NLN: variants seen among roughly 807,000 people sequenced by gnomAD.
NLN encodes the protein neurolysin, mitochondrial.
In NLN, 64 loss-of-function variants were observed where a neutral mutation model predicts 79.9. The ratio of observed to expected loss-of-function variants is 0.80; its 90% confidence interval spans 0.65 to 0.99. NLN has a LOEUF of 0.99. Ranked by LOEUF, NLN falls within the 50% of genes least tolerant of loss-of-function variation. The pLI, the probability that NLN is intolerant of heterozygous loss-of-function variation, is 0.00. For synonymous variants in NLN, 267 were observed against 296.6 expected (o/e 0.90, Z 1.02); for missense variants, 835 against 858.7 (o/e 0.97, Z 0.34).
At chr5:65,762,817 G>A in intron 2 of NLN, 143 bp from the exon 3 acceptor site, 1 of 690,134 alleles carries the variant, frequency 1.4e-6, no homozygotes, top group Admixed American at 3.2e-5. Context: ...GCTTTTTCTT[G>A]GTAGCCTTAG....
At chr5:65,809,032 C>T (rs937387644) in intron 9 of NLN, 1 of 153,102 alleles carries the variant, frequency 6.5e-6, no homozygotes, top group Non-Finnish European at 1.5e-5. Flanking sequence ...GTGATGAGTG[C>T]CCCAGAAAGG....
Position 65,722,457 on chromosome 5 carries a change from G to C in NLN, c.41+43G>C, listed in dbSNP as rs761290408. 1.2e-5 allele frequency: 18 copies of C among 1,542,194 alleles called. No individual in the cohort carries two copies. In the South Asian group the frequency reaches 2.0e-4, roughly 17 times the overall value. On this transcript the variant is annotated intron_variant, in intron 1 of 12. Transcript: ENST00000380985. ...GTTAACCTTGGCCGTGGGCAGGGCG[G>C]GGTCTTTCGCCGTGTGGTGCCTGGA...
chr5:65,802,611 G>T (rs1402086332), intron 9 of NLN, among the ~76,000 whole-genome samples: 1 of 152,332 alleles, frequency 6.6e-6, no homozygotes, highest in South Asian at 2.1e-4. Flanking sequence ...CATTCGGCAG[G>T]TCCCGAGTTC....
At chr5:65,722,741 A>G in intron 1 of NLN, 2 of 356,166 alleles carry the variant, frequency 5.6e-6, no homozygotes, top group East Asian at 6.2e-5. Context: ...TTCAATCCCA[A>G]TGCAGAACTA....
At chr5:65,724,756 G>A (rs1758419562) in intron 1 of NLN, among the ~76,000 whole-genome samples, 1 of 150,108 alleles carries the variant, frequency 6.7e-6, no homozygotes, top group Admixed American at 6.6e-5. Context: ...CTTATTTCCT[G>A]GTTTTGATAA....
chr5:65,779,961 G>A (rs1759762112), intron 4 of NLN: 2 of 373,428 alleles, frequency 5.4e-6, no homozygotes, highest in South Asian at 1.2e-4. Flanking sequence ...GAGTAGCTGG[G>A]ATTATAAGCA....
chr5:65,770,796 T>C (rs2150751859), intron 3 of NLN, among the ~76,000 whole-genome samples: 1 of 152,336 alleles, frequency 6.6e-6, no homozygotes, highest in African/African-American at 2.4e-5. Context: ...TGCAATGGAA[T>C]ATTTTATAGC....
intron 1 of NLN, among the ~76,000 whole-genome samples, chr5:65,739,057 T>TATATAATATATATATATAATATATATA (rs1360571787): frequency 1.4e-5 from 2 of 143,726 alleles, no homozygotes; most frequent in African/African-American, 5.1e-5. Context: ...TATATATAAA[T>TATATAATATATATATATAATATATATA]TAGCCTGGCT....
intron 1 of NLN, among the ~76,000 whole-genome samples, chr5:65,729,984 G>A (rs1002352693): frequency 6.6e-6 from 1 of 152,204 alleles, no homozygotes; most frequent in Non-Finnish European, 1.5e-5. Flanking sequence ...GTGATCTTAG[G>A]CAAGAATACT....
At chr5:65,744,292 C>A (rs1344880761) in intron 1 of NLN, among the ~76,000 whole-genome samples, 1 of 152,156 alleles carries the variant, frequency 6.6e-6, no homozygotes, top group East Asian at 1.9e-4. Flanking sequence ...GCCACCACAC[C>A]CGGCCTGCTA....
At chr5:65,814,840 A>G (rs1009433054) in intron 12 of NLN, among the ~76,000 whole-genome samples, 2 of 152,314 alleles carry the variant, frequency 1.3e-5, no homozygotes, top group Middle Eastern at 6.8e-3. Flanking sequence ...TATTTAATGT[A>G]ACTATTACCA....
chr5:65,809,023 T>C (rs1760483729), intron 9 of NLN: 2 of 152,986 alleles, frequency 1.3e-5, no homozygotes, highest in Admixed American at 1.3e-4. Context: ...AGCAATAGAG[T>C]GATGAGTGCC....
chr5:65,722,331 C>T lies in NLN; in HGVS notation c.-43C>T, dbSNP rs762525534. The T allele has an allele frequency of 1.3e-6, 2 of 1,515,174 alleles. No homozygotes were observed. The highest frequency in any genetic ancestry group is 2.9e-5 in the African/African-American group (2 of 69,054). 93.9% of individuals were successfully genotyped at this position (1,515,174 alleles called of 1,614,324 possible). On this transcript the variant is annotated 5_prime_UTR_variant, in exon 1 of 13. Coordinates refer to ENST00000380985, the MANE Select transcript of NLN (RefSeq NM_020726.5). The stretch of plus-strand genomic sequence containing the variant: ...TGCCGCCCGCCTCGCCGCCCCACGC[C>T]GAAGGACCACGCGCCCGCCGCCGCC...
intron 3 of NLN, among the ~76,000 whole-genome samples, chr5:65,767,443 A>G (rs1044230384): frequency 1.3e-5 from 2 of 152,170 alleles, no homozygotes; most frequent in African/African-American, 4.8e-5. Flanking sequence ...GCAGGGCACT[A>G]TGTCCTGAGG....
At chr5:65,791,275 A>G (rs1317615384) in intron 8 of NLN, among the ~76,000 whole-genome samples, 1 of 152,088 alleles carries the variant, frequency 6.6e-6, no homozygotes, top group Non-Finnish European at 1.5e-5. Context: ...TACAAAAATT[A>G]GGCTGTGCAC....
At chr5:65,734,976 A>G (rs1384284003) in intron 1 of NLN, among the ~76,000 whole-genome samples, 1 of 152,210 alleles carries the variant, frequency 6.6e-6, no homozygotes, top group African/African-American at 2.4e-5. Context: ...TCCAACTACC[A>G]ATTGGACAGC....
At chr5:65,778,655 C>T (rs771844341) in intron 4 of NLN, among the ~76,000 whole-genome samples, 13 of 152,110 alleles carry the variant, frequency 8.5e-5, no homozygotes, top group Non-Finnish European at 1.8e-4. Flanking sequence ...ACTAGAAGGT[C>T]GAGGGGTCGG....
intron 8 of NLN, among the ~76,000 whole-genome samples, chr5:65,791,024 ATACT>A (rs1760046300): frequency 2.6e-5 from 4 of 152,238 alleles, no homozygotes; most frequent in South Asian, 4.1e-4. Context: ...GACCTAGTTA[ATACT>A]TACTTCCTGT....
chr5:65,802,740 C>T (rs1356257753), intron 9 of NLN, among the ~76,000 whole-genome samples: 1 of 152,036 alleles, frequency 6.6e-6, no homozygotes, highest in Non-Finnish European at 1.5e-5. Flanking sequence ...AGCTCCTCTC[C>T]ACAACCAGGG....
Sources: allele counts gnomAD v4.1 joint callset (sites outside exome capture counted in the v4.1 genomes callset), GRCh38; gene constraint gnomAD v4.1.1; transcripts MANE v1.5; gene names NCBI Gene and HGNC (gene_info 2026-07-23, HGNC 2026-07-21).